Variants in ATP8B2 observed in about 807,000 individuals in gnomAD.
ATP8B2 encodes the protein ATPase phospholipid transporting 8B2.
A neutral mutation model predicts 133.4 loss-of-function variants in ATP8B2; 70 were observed. The ratio of observed to expected loss-of-function variants is 0.52; its 90% CI spans 0.43 to 0.64. The LOEUF (loss-of-function observed/expected upper bound fraction) is 0.64, where lower values mean the gene tolerates loss of function less well. Among genes scored for constraint, ATP8B2 ranks in the 30% least tolerant of loss-of-function variants. The pLI, the probability that ATP8B2 is intolerant of heterozygous loss-of-function variation, is 0.00. For missense variants in ATP8B2, 1,101 were observed against 1,535.7 expected (o/e 0.72, Z 4.73); for synonymous variants, 517 against 589.5 (o/e 0.88, Z 1.78).
At position 154,343,593 on chromosome 1, in the gene ATP8B2, A is replaced by G; in HGVS notation, c.1758+25A>G. The G allele has an allele frequency of 6.2e-7, 1 of 1,602,570 alleles. No homozygotes were observed. Among genetic ancestry groups the G allele is most frequent in the Non-Finnish European group, 8.5e-7 (1 of 1,169,852 alleles). ...TGTGGGTGTGAGGAGAGGAGGGGCC[A>G]GCCTGGGGGGTTCTACTCTTAGTGT... On this transcript the variant is annotated intron_variant, in intron 17 of 27. Transcript: ENST00000368489. This position sits in a 1 kb window ranked among gnomAD's most constrained non-coding sequence, Gnocchi z 5.8.
rs187596822 is a variant in ATP8B2 at position 154,339,385 on chromosome 1, A to T, written c.1035-1469A>T. ...AGGAGTACTTGTCTCACCTTTTAAT[A>T]GGATGTCTTGATATAAGATATTGGC... On this transcript the variant is annotated intron_variant, in intron 12 of 27. Transcript: ENST00000368489. Among the ~76,000 whole-genome samples the T allele has an allele frequency of 2.6e-4, 40 of 152,340 alleles. No individual in the cohort carries two copies. The East Asian group carries it at 7.3e-3, about 28-fold the overall frequency.
Position 154,340,414 on chromosome 1 carries a change from C to T in ATP8B2, c.1035-440C>T, listed in dbSNP as rs183049804. On this transcript the variant is annotated intron_variant, in intron 12 of 27. Coordinates refer to ENST00000368489, the MANE Select transcript of ATP8B2 (RefSeq NM_001370597.1). The surrounding 1 kb of genome is among the most constrained non-coding windows in gnomAD (Gnocchi z 4.0). Reference sequence around the variant, plus strand: ...ATTTCCCCTCCCCGGTGCCACCCCTCTTTGAGGTGGCGTCTGTGTTGCTGT... The same window carrying T: ...ATTTCCCCTCCCCGGTGCCACCCCTTTTTGAGGTGGCGTCTGTGTTGCTGT... 1 of 176,258 alleles carries T rather than the reference C, an allele frequency of 5.7e-6. No homozygotes were observed. Among genetic ancestry groups the T allele is most frequent in the African/African-American group, 2.4e-5 (1 of 41,688 alleles). 10.9% of individuals were successfully genotyped at this position (176,258 alleles called of 1,614,324 possible). A position where few individuals can be genotyped will look rare whatever the true frequency, so the allele number is the denominator to read the frequency against.
chr1:154,348,598 G>C (rs1480567142), intron 27 of ATP8B2, 60 bp downstream of exon 27: 2 of 1,591,768 alleles, frequency 1.3e-6, no homozygotes, highest in Non-Finnish European at 1.7e-6. Flanking sequence ...AAGGCCTCAT[G>C]TGAACACTGG....
chr1:154,327,936 C>T, intron 1 of ATP8B2, 169 bp from the exon 2 acceptor site: 2 of 1,551,498 alleles, frequency 1.3e-6, no homozygotes, highest in African/African-American at 1.4e-5. Flanking sequence ...TGGGGAAGTC[C>T]CCTCTTTCCC....
rs370239000 is a variant in ATP8B2 at position 154,344,750 on chromosome 1, G to T, written c.2251G>T (p.Gly751Trp). Reference sequence around the variant, plus strand: ...AACTTCTGTCCTGGAGGCCGTTGCTGGGGAGTACGCCCTGGTCATAAATGG... The same window carrying T: ...AACTTCTGTCCTGGAGGCCGTTGCTTGGGAGTACGCCCTGGTCATAAATGG... Reference protein sequence around the residue: ...KLTSVLEAVAGEYALVINGHS... With the variant: ...KLTSVLEAVAWEYALVINGHS... Residue 751 changes from glycine to tryptophan, a missense_variant, in exon 21 of 28, where the codon GGG (glycine) becomes TGG (tryptophan). By Grantham distance (184) the Gly-to-Trp change is radical (BLOSUM62 -2). Transcript: ENST00000368489. The surrounding 1 kb of genome is among the most constrained non-coding windows in gnomAD (Gnocchi z 4.1). The T allele has an allele frequency of 1.9e-6, 3 of 1,608,814 alleles. No individual in the cohort carries two copies. The highest frequency in any genetic ancestry group is 1.3e-5 in the African/African-American group (1 of 74,978).
chr1:154,329,143 C>T (rs986366288), intron 2 of ATP8B2: 1 of 1,197,790 alleles, frequency 8.3e-7, no homozygotes, highest in South Asian at 1.5e-5. Flanking sequence ...CCTACATTCA[C>T]TTGTCCCCAG....
Position 154,348,995 on chromosome 1 carries a change from C to T in ATP8B2, c.3450C>T (p.Ser1150=), listed in dbSNP as rs761308934. Residue 1150 remains serine (S), a synonymous_variant, in exon 28 of 28, where the codon AGC becomes AGT. Transcript: ENST00000368489. ...TGTCTGGCAAGAACATGCGGCTGAG[C>T]TCTCTCGCGCTCTCCAGCTTCACCA... The part of the protein sequence containing the change: ...LIMSGKNMRL[S]SLALSSFTTR... 15 of 1,614,248 alleles carry T rather than the reference C, an allele frequency of 9.3e-6. No homozygotes were observed. The highest frequency in any genetic ancestry group is 1.3e-5 in the Non-Finnish European group (15 of 1,180,030).
chr1:154,341,917 G>T, intron 13 of ATP8B2: 1 of 155,102 alleles, frequency 6.4e-6, no homozygotes, highest in Non-Finnish European at 1.4e-5. Context: ...CTGGCCTCTG[G>T]GCATCCTGGC....
Position 154,334,112 on chromosome 1 carries a change from G to A in ATP8B2, c.595G>A (p.Val199Met), listed in dbSNP as rs777553967. Residue 199 changes from valine to methionine, a missense_variant, in exon 10 of 28, where the codon GTG becomes ATG. Transcript: ENST00000368489. This position sits in a 1 kb window ranked among gnomAD's most constrained non-coding sequence, Gnocchi z 4.6. ...ISKLAKFDGEVICEPPNNKLD... is the reference protein window; with the variant it reads ...ISKLAKFDGEMICEPPNNKLD... The stretch of plus-strand genomic sequence containing the variant: ...AATTCTTGTCTCCTGTTCAGGTGAA[G>A]TGATCTGTGAACCTCCCAACAACAA... 1 of 1,614,134 alleles carries A rather than the reference G, an allele frequency of 6.2e-7. No individual in the cohort carries two copies.
chr1:154,341,013 C>G lies in ATP8B2; in HGVS notation c.1194C>G (p.Thr398=), dbSNP rs776020927. ...TCTCCGACAAGACGGGCACCCTCAC[C>G]CAGAACATCATGGTTTTCAACAAGT... ...YIFSDKTGTL[T]QNIMVFNKCS... Residue 398 remains threonine, a synonymous_variant, in exon 13 of 28, where the codon ACC becomes ACG. Coordinates refer to ENST00000368489, the MANE Select transcript of ATP8B2 (RefSeq NM_001370597.1). 5.0e-6 allele frequency: 8 copies of G among 1,614,168 alleles called. No homozygotes were observed. Among genetic ancestry groups the G allele is most frequent in the Non-Finnish European group, 6.8e-6 (8 of 1,180,036 alleles).
intron 11 of ATP8B2, among the ~76,000 whole-genome samples, chr1:154,336,482 AATTT>A (rs1465740529): frequency 1.1e-5 from 1 of 95,132 alleles, no homozygotes; most frequent in East Asian, 4.0e-4. Flanking sequence ...AAATCTCATA[AATTT>A]TTTTTTTTTT....
In ATP8B2 at chr1:154,343,366, G is replaced by T. The variant is rs1558273998; in HGVS notation, c.1642+65G>T. ...CATTCAGGCCTGGAATGGGTGAAGT[G>T]TGCCGGGTGACTCTTGATGTGTTTA... On this transcript the variant is annotated intron_variant, in intron 16 of 27. Transcript: ENST00000368489. This position sits in a 1 kb window ranked among gnomAD's most constrained non-coding sequence, Gnocchi z 5.8. The T allele has an allele frequency of 3.1e-6, 5 of 1,605,622 alleles. No homozygotes were observed. The highest frequency in any genetic ancestry group is 2.2e-5 in the East Asian group (1 of 44,614).
chr1:154,341,115 T>C (rs930150290), intron 13 of ATP8B2, 53 bp downstream of exon 13: 1 of 1,591,400 alleles, frequency 6.3e-7, no homozygotes, highest in South Asian at 1.1e-5. Flanking sequence ...GGAAGGACAG[T>C]GGAACTGGGG....
rs750823507 is a variant in ATP8B2 at position 154,337,587 on chromosome 1, C to T, written c.1034+43C>T. 21 of 1,614,100 alleles carry T rather than the reference C, an allele frequency of 1.3e-5. No homozygotes were observed. The Admixed American group carries it at 2.2e-4, about 17-fold the overall frequency. On this transcript the variant is annotated intron_variant, in intron 12 of 27. Transcript: ENST00000368489. ...CCTGGGGTCTCTCCAGGGAGTCAGG[C>T]GGTCCCATAGAACTTTTCTTTTCTA...
rs1447270633 is a variant in ATP8B2 at position 154,337,369 on chromosome 1, A to G, written c.859A>G (p.Met287Val). ...VLWIFGFLVC[M>V]GVILAIGNAI... is the part of the protein sequence containing the mutation. ...CCAGATTTTTGGATTCCTGGTTTGCATGGGGGTGATCCTGGCCATTGGCAA... is the reference window on the plus strand; with the variant it reads ...CCAGATTTTTGGATTCCTGGTTTGCGTGGGGGTGATCCTGGCCATTGGCAA... The change falls in exon 12 of 28, where the codon ATG (methionine) becomes GTG (valine). Residue 287 changes from methionine (M) to valine (V), a missense_variant. By Grantham distance (21) the Met-to-Val change is conservative. Transcript: ENST00000368489. 6.2e-7 allele frequency: 1 copy of G among 1,613,420 alleles called. No individual in the cohort carries two copies. Among genetic ancestry groups the G allele is most frequent in the Admixed American group, 1.7e-5 (1 of 59,992 alleles).
In ATP8B2 at chr1:154,342,517, G is replaced by A. The variant is rs1173050750; in HGVS notation, c.1281G>A (p.Leu427=). The A allele has an allele frequency of 1.2e-6, 2 of 1,613,734 alleles. No individual in the cohort carries two copies. Among genetic ancestry groups the A allele is most frequent in the Non-Finnish European group, 1.7e-6 (2 of 1,179,706 alleles). ...VFDVLGHKAE[L]GERPEPVDFS... ...ACGTCCTGGGACACAAAGCTGAATT[G>A]GGAGAGGTAAGATTCAGTCTCCCTA... The change falls in exon 14 of 28, where the codon TTG becomes TTA. Residue 427 remains leucine (L), a synonymous_variant. Transcript: ENST00000368489.
Position 154,328,317 on chromosome 1 carries a change from A to G in ATP8B2, c.31+145A>G. On this transcript the variant is annotated intron_variant, in intron 2 of 27. Transcript: ENST00000368489. This position sits in a 1 kb window ranked among gnomAD's most constrained non-coding sequence, Gnocchi z 4.6. ...CCCCTACCCAGCTTGGGGGCAGCCT[A>G]GGAAACCGAATTCTTCCGCTTGATC... is the stretch of plus-strand genomic sequence containing the variant. 2.3e-6 allele frequency: 2 copies of G among 866,622 alleles called. No homozygotes were observed. Among genetic ancestry groups the G allele is most frequent in the Non-Finnish European group, 3.8e-6 (2 of 529,452 alleles). The allele number at this position is 866,622 out of a possible 1,614,324, so 53.7% of individuals were successfully genotyped here.
Position 154,328,677 on chromosome 1 carries a change from G to C in ATP8B2, c.31+505G>C, listed in dbSNP as rs1685875835. ...CCTACGCGGCGCGCTGGCAGGCTGC[G>C]GCTCCTGCAGTCGGGGAGCGGGCGG... On this transcript the variant is annotated intron_variant, in intron 2 of 27. Transcript: ENST00000368489. The surrounding 1 kb of genome is among the most constrained non-coding windows in gnomAD (Gnocchi z 4.6). 3.0e-6 allele frequency: 2 copies of C among 671,830 alleles called. No homozygotes were observed. Among genetic ancestry groups the C allele is most frequent in the Admixed American group, 6.1e-5 (1 of 16,460 alleles). 41.6% of individuals were successfully genotyped at this position (671,830 alleles called of 1,614,324 possible). A position where few individuals can be genotyped will look rare whatever the true frequency, so the allele number is the denominator to read the frequency against.
rs772007990 is a variant in ATP8B2 at position 154,345,593 on chromosome 1, G to T, written c.2694+48G>T. On this transcript the variant is annotated intron_variant, in intron 23 of 27. Coordinates refer to ENST00000368489, the MANE Select transcript of ATP8B2 (RefSeq NM_001370597.1). The surrounding 1 kb of genome is among the most constrained non-coding windows in gnomAD (Gnocchi z 5.6). The stretch of plus-strand genomic sequence containing the variant: ...TGTTGTGCAAATCTGTAAACCTGAG[G>T]GCAGAGGTTCTGTCTTGTTTATCAC... The T allele has an allele frequency of 3.5e-5, 53 of 1,523,872 alleles. No individual in the cohort carries two copies. In the Admixed American group the frequency reaches 9.1e-4, roughly 26 times the overall value. The allele number at this position is 1,523,872 out of a possible 1,614,324, so 94.4% of individuals were successfully genotyped here.
Sources: gnomAD v4.1 joint callset for allele counts (sites outside exome capture counted in the v4.1 genomes callset) on GRCh38, gnomAD v4.1.1 for gene constraint, Gnocchi (gnomAD v3.1) non-coding constraint, MANE v1.5 for transcripts, NCBI Gene and HGNC (gene_info 2026-07-23, HGNC 2026-07-21) for gene names.